Variants in NAA16 observed in about 807,000 individuals in gnomAD.
NAA16 encodes N-alpha-acetyltransferase 16, NatA auxiliary subunit.
Under a neutral mutation model 110.3 loss-of-function variants are expected in NAA16, and 97 were observed. The ratio of observed to expected loss-of-function variants is 0.88; its 90% CI spans 0.75 to 1.04. NAA16 has a LOEUF of 1.04. Among genes scored for constraint, NAA16 ranks in the 50% least tolerant of loss-of-function variants. The pLI, the probability that NAA16 is intolerant of heterozygous loss-of-function variation, is 0.00. For synonymous variants in NAA16, 372 were observed against 330.6 expected, an observed-to-expected ratio of 1.13 and a Z score of -1.36; for missense variants, 1,017 against 1,005.1, an observed-to-expected ratio of 1.01 and a Z score of -0.16.
intron 12 of NAA16, among the ~76,000 whole-genome samples, chr13:41,361,604 T>C (rs1431527957): frequency 1.3e-5 from 2 of 152,212 alleles, no homozygotes; most frequent in East Asian, 1.9e-4. Context: ...TAAGACGTTA[T>C]GTATATGTGG....
In NAA16 at chr13:41,355,212, A is replaced by G. The variant is rs371372676; in HGVS notation, c.1083A>G (p.Pro361=). 6.4e-6 allele frequency: 10 copies of G among 1,566,924 alleles called. No homozygotes were observed. In the Admixed American group the frequency reaches 7.3e-5, roughly 12 times the overall value. Reference sequence around the variant, plus strand: ...TTAAAACGTGTGACTTTTTTAGCCCATATGGTAAGTTTAAATTAGATTGAA... The same window carrying G: ...TTAAAACGTGTGACTTTTTTAGCCCGTATGGTAAGTTTAAATTAGATTGAA... ...ASLKTCDFFS[P]YENGEKEPPT... The change falls in exon 10 of 20, where the codon CCA becomes CCG. Residue 361 remains proline, a synonymous_variant. Transcript: ENST00000379406.
intron 15 of NAA16, among the ~76,000 whole-genome samples, chr13:41,370,165 A>G (rs1024884620): frequency 6.6e-6 from 1 of 152,182 alleles, no homozygotes; most frequent in African/African-American, 2.4e-5. Context: ...ATAGGTTTGA[A>G]TTTTGAGGGT....
Position 41,325,817 on chromosome 13 carries a change from AAT to A in NAA16, c.660_661del (p.Ile220MetfsTer2). On this transcript the variant is annotated frameshift_variant, in exon 6 of 20. Transcript: ENST00000379406. LOFTEE classifies it high-confidence loss of function. ...AACATATAGAAATGTATGAGAAACA[AAT>A]ATGTGATAAACTTTTGGTGGAAGAA... ...LEHIEMYEKQ[I>X]CDKLLVEEIK... 6.2e-7 allele frequency: 1 copy of A among 1,608,012 alleles called. No individual in the cohort carries two copies. The highest frequency in any genetic ancestry group is 8.5e-7 in the Non-Finnish European group (1 of 1,177,424).
intron 2 of NAA16, 97 bp downstream of exon 2, chr13:41,317,027 C>G (rs1410504672): frequency 2.4e-6 from 2 of 841,194 alleles, no homozygotes. Context: ...CAGGGCCTTG[C>G]AGTTCTCTAT....
chr13:41,347,214 CAAAA>C (rs76747459), intron 9 of NAA16, among the ~76,000 whole-genome samples: 4 of 55,266 alleles, frequency 7.2e-5, no homozygotes, highest in Non-Finnish European at 1.1e-4. Context: ...GACTCCGTCT[CAAAA>C]AAAAAAAAAC....
In NAA16 at chr13:41,320,671, G is replaced by T; in HGVS notation, c.249G>T (p.Trp83Cys). Residue 83 changes from tryptophan (W) to cysteine (C), a missense_variant, in exon 4 of 20, where the codon TGG (tryptophan) becomes TGT (cysteine). By Grantham distance (215) the Trp-to-Cys change is radical. Coordinates refer to ENST00000379406, the MANE Select transcript of NAA16 (RefSeq NM_024561.5). Reference protein sequence around the residue: ...LRNDVKSHVCWHVYGLLQRSD... With the variant: ...LRNDVKSHVCCHVYGLLQRSD... ...TTTGTTTCCTTAACTTAATAGGTTGGCATGTATATGGACTCTTGCAGCGTT... is the reference window on the plus strand; with the variant it reads ...TTTGTTTCCTTAACTTAATAGGTTGTCATGTATATGGACTCTTGCAGCGTT... The T allele has an allele frequency of 6.2e-7, 1 of 1,600,522 alleles. No homozygotes were observed. Among genetic ancestry groups the T allele is most frequent in the Non-Finnish European group, 8.5e-7 (1 of 1,175,130 alleles).
At chr13:41,369,508 G>A (rs4321061) in intron 15 of NAA16, among the ~76,000 whole-genome samples, 13,280 of 152,178 alleles carry the variant, frequency 0.087, 1,909 homozygotes, top group African/African-American at 0.3. Flanking sequence ...CCCTGCAAAG[G>A]TGTCTGTGTT....
intron 9 of NAA16, among the ~76,000 whole-genome samples, chr13:41,338,314 T>G (rs887973673): frequency 2.0e-5 from 3 of 152,332 alleles, no homozygotes; most frequent in African/African-American, 2.4e-5. Context: ...TCACAGGGTG[T>G]TGTTCATAGG....
chr13:41,313,105 C>CATA (rs554408831), intron 1 of NAA16, among the ~76,000 whole-genome samples: 282 of 152,104 alleles, frequency 1.9e-3, no homozygotes, highest in Non-Finnish European at 1.6e-3. Context: ...TCTCTTTATA[C>CATA]GAGTTTTTTG....
At position 41,358,872 on chromosome 13, in the gene NAA16, T is replaced by C. The variant is rs1273501492; in HGVS notation, c.1320T>C (p.Ala440=). The C allele has an allele frequency of 1.2e-6, 2 of 1,612,870 alleles. No individual in the cohort carries two copies. Among genetic ancestry groups the C allele is most frequent in the Admixed American group, 1.7e-5 (1 of 60,008 alleles). The change falls in exon 12 of 20, where the codon GCT becomes GCC. Residue 440 remains alanine, a synonymous_variant. Coordinates refer to ENST00000379406, the MANE Select transcript of NAA16 (RefSeq NM_024561.5). ...ATGAAGCACAGTCTTTGGACACAGC[T>C]GATAGATTCATCAATTCCAAATGTG... The part of the protein sequence containing the change: ...WMDEAQSLDT[A]DRFINSKCAK...
chr13:41,363,224 C>G (rs1418152503), intron 13 of NAA16, among the ~76,000 whole-genome samples: 1 of 152,038 alleles, frequency 6.6e-6, no homozygotes, highest in East Asian at 1.9e-4. Flanking sequence ...AGATCACTAG[C>G]TTGTTACACT....
At chr13:41,343,229 T>TGAGTA (rs57655675) in intron 9 of NAA16, among the ~76,000 whole-genome samples, 13,089 of 152,042 alleles carry the variant, frequency 0.086, 649 homozygotes, top group East Asian at 0.2. Flanking sequence ...CTCAGCCTCT[T>TGAGTA]GAGTAGACGC....
intron 8 of NAA16, among the ~76,000 whole-genome samples, chr13:41,335,138 G>GATA (rs1233459971): frequency 6.6e-6 from 1 of 152,150 alleles, no homozygotes; most frequent in Admixed American, 6.5e-5. Flanking sequence ...CTGCCATGAA[G>GATA]ATAAAAGGCT....
rs2139398810 is a variant in NAA16 at position 41,326,332 on chromosome 13, T to A, written c.691+481T>A. Among the ~76,000 whole-genome samples the A allele has an allele frequency of 2.0e-5, 3 of 152,268 alleles. No homozygotes were observed. The South Asian group carries it at 6.2e-4, about 32-fold the overall frequency. ...CATCAACAAGGGGTCAAACAAAAAT[T>A]TTCACAGAGCTTTGCTCATTAATTC... On this transcript the variant is annotated intron_variant, in intron 6 of 19. Coordinates refer to ENST00000379406, the MANE Select transcript of NAA16 (RefSeq NM_024561.5).
intron 10 of NAA16, among the ~76,000 whole-genome samples, chr13:41,355,535 T>C (rs1314736782): frequency 6.6e-6 from 1 of 152,220 alleles, no homozygotes; most frequent in Non-Finnish European, 1.5e-5. Flanking sequence ...GTTCAACTGA[T>C]GCTCCTGCCT....
At chr13:41,319,079 C>CT in intron 3 of NAA16, among the ~76,000 whole-genome samples, 169 bp downstream of exon 3, 1 of 152,212 alleles carries the variant, frequency 6.6e-6, no homozygotes, top group South Asian at 2.1e-4. Flanking sequence ...ATACTAGTTT[C>CT]TTTTTTGCTT....
At chr13:41,342,727 A>T (rs1215394941) in intron 9 of NAA16, among the ~76,000 whole-genome samples, 1 of 152,188 alleles carries the variant, frequency 6.6e-6, no homozygotes, top group African/African-American at 2.4e-5. Context: ...GCCCATAGAT[A>T]AGTTGTCCAG....
intron 1 of NAA16, among the ~76,000 whole-genome samples, chr13:41,312,285 G>A (rs1455456703): frequency 6.6e-6 from 1 of 152,176 alleles, no homozygotes; most frequent in Non-Finnish European, 1.5e-5. Flanking sequence ...TTAAAGCCGC[G>A]TGGACTGGCT....
chr13:41,311,379 G>C lies in NAA16; in HGVS notation c.-150G>C, dbSNP rs527334920. ...ATTGCCACCCGTGCCGAACAGCCAG[G>C]CTGCCCAATTGCAACTGTAGACCAA... On this transcript the variant is annotated 5_prime_UTR_variant, in exon 1 of 20. Coordinates refer to ENST00000379406, the MANE Select transcript of NAA16 (RefSeq NM_024561.5). 1 of 692,168 alleles carries C rather than the reference G, an allele frequency of 1.4e-6. No homozygotes were observed. Among genetic ancestry groups the C allele is most frequent in the East Asian group, 2.9e-5 (1 of 34,212 alleles). 42.9% of individuals were successfully genotyped at this position (692,168 alleles called of 1,614,324 possible). A position where few individuals can be genotyped will look rare whatever the true frequency, so the allele number is the denominator to read the frequency against.
Sources: allele counts gnomAD v4.1 joint callset (sites outside exome capture counted in the v4.1 genomes callset), GRCh38; gene constraint gnomAD v4.1.1; transcripts MANE v1.5; gene names NCBI Gene and HGNC (gene_info 2026-07-23, HGNC 2026-07-21).